NUP98: variants seen among roughly 807,000 people sequenced by gnomAD.
NUP98 encodes the protein nuclear pore complex protein Nup98-Nup96.
A neutral mutation model predicts 191.9 loss-of-function variants in NUP98; 26 were observed. That is an observed-to-expected ratio of 0.14 (90% CI 0.10 to 0.19). The LOEUF (loss-of-function observed/expected upper bound fraction) is 0.19. NUP98 is among the 10% of genes least tolerant of loss of function. The probability of loss-of-function intolerance (pLI) is 1.00; values close to 1 mark genes in which losing one functional copy is unlikely to be tolerated. For synonymous variants in NUP98, 808 were observed against 778.4 expected, an observed-to-expected ratio of 1.04 and a Z score of -0.63; for missense variants, 1,941 against 2,178.8, an observed-to-expected ratio of 0.89 and a Z score of 2.17.
intron 28 of NUP98, among the ~76,000 whole-genome samples, chr11:3,687,784 G>T (rs970339762): frequency 2.6e-5 from 4 of 152,212 alleles, no homozygotes; most frequent in African/African-American, 7.2e-5. Context: ...ACTTTAGGCC[G>T]GGTGCGGTGG....
intron 30 of NUP98, among the ~76,000 whole-genome samples, chr11:3,681,148 C>T (rs998942405): frequency 1.3e-5 from 2 of 152,136 alleles, no homozygotes; most frequent in Admixed American, 6.5e-5. Flanking sequence ...TCAGGTGATC[C>T]GCCAATCTCA....
chr11:3,701,255 A>AT (rs71041374), intron 23 of NUP98, among the ~76,000 whole-genome samples: 2,541 of 125,810 alleles, frequency 0.02, 56 homozygotes, highest in African/African-American at 0.052. Context: ...GCTTGTTCCA[A>AT]TTTTTTTTTT....
chr11:3,792,293 G>A (rs1367080836), intron 1 of NUP98, among the ~76,000 whole-genome samples: 3 of 149,896 alleles, frequency 2.0e-5, no homozygotes, highest in African/African-American at 7.3e-5. Flanking sequence ...AGAAACAACT[G>A]TATAATTAAA....
At chr11:3,685,938 G>A (rs764128188) in intron 29 of NUP98, 35 bp downstream of exon 29, 2 of 1,542,958 alleles carry the variant, frequency 1.3e-6, no homozygotes. Flanking sequence ...TGTAGTGCTA[G>A]ATGTACCCAG....
At chr11:3,724,443 A>T (rs1186034997) in intron 15 of NUP98, among the ~76,000 whole-genome samples, 1 of 137,888 alleles carries the variant, frequency 7.3e-6, no homozygotes, top group Non-Finnish European at 1.6e-5. Context: ...TCTCAAAAAA[A>T]AAAAATAAAT....
At chr11:3,712,280 GCAGAGAATTCAGCAAGTC>G in intron 20 of NUP98, 1 of 1,191,934 alleles carries the variant, frequency 8.4e-7, no homozygotes, top group Non-Finnish European at 1.0e-6. Context: ...TAATCACTGA[GCAGAGAATTCAGCAAGTC>G]CAAATGAGAG....
chr11:3,706,388 T>C (rs1325181374), intron 21 of NUP98, 57 bp downstream of exon 21: 11 of 1,505,282 alleles, frequency 7.3e-6, no homozygotes, highest in Non-Finnish European at 1.0e-5. Context: ...TCCTATGCAA[T>C]GGAGATAAAA....
chr11:3,749,645 AT>A (rs1441853177), intron 11 of NUP98, among the ~76,000 whole-genome samples: 1 of 152,108 alleles, frequency 6.6e-6, no homozygotes, highest in Non-Finnish European at 1.5e-5. Context: ...TAAATAAAAT[AT>A]AAATTAACAA....
intron 1 of NUP98, among the ~76,000 whole-genome samples, chr11:3,785,184 C>G (rs972859313): frequency 6.7e-6 from 1 of 150,172 alleles, no homozygotes; most frequent in East Asian, 2.0e-4. Flanking sequence ...ATGGCAAAAA[C>G]AAACAAAAAA....
intron 5 of NUP98, among the ~76,000 whole-genome samples, chr11:3,775,381 A>G (rs2081679566): frequency 6.6e-6 from 1 of 151,978 alleles, no homozygotes; most frequent in Non-Finnish European, 1.5e-5. Flanking sequence ...AAAAACTACA[A>G]AAAAATTAGC....
At position 3,725,167 on chromosome 11, in the gene NUP98, A is replaced by G; in HGVS notation, c.1783T>C (p.Ser595Pro). 6.2e-7 allele frequency: 1 copy of G among 1,602,654 alleles called. No individual in the cohort carries two copies. The highest frequency in any genetic ancestry group is 2.2e-5 in the East Asian group (1 of 44,726). Residue 595 changes from serine to proline, a missense_variant, in exon 15 of 33, where the codon TCT (serine) becomes CCT (proline). By Grantham distance (74) the Ser-to-Pro change is moderately conservative (BLOSUM62 -1). This residue lies in a region of NUP98 where 453 missense variants were observed against 438.2 expected (regional missense o/e 1.03). Transcript: ENST00000324932. ...TTTTCTGAATCACGATTAACAGGAG[A>G]AAAGAGATTGCTATTATTAAGGTTC... ...LKNLNNSNLFSPVNRDSENLA... is the reference protein window; with the variant it reads ...LKNLNNSNLFPPVNRDSENLA...
intron 28 of NUP98, among the ~76,000 whole-genome samples, chr11:3,689,940 A>ATTTTTTT (rs989043726): frequency 1.4e-5 from 1 of 73,574 alleles, no homozygotes; most frequent in Non-Finnish European, 2.6e-5. Flanking sequence ...GCTGGCCTGC[A>ATTTTTTT]TTTTTTTTTT....
intron 27 of NUP98, 71 bp from the exon 28 acceptor site, chr11:3,691,560 C>T (rs74557637): frequency 9.7e-5 from 114 of 1,176,772 alleles, no homozygotes; most frequent in Admixed American, 3.2e-4. Flanking sequence ...TATGTTTCTT[C>T]TTTTTTTTTT....
At chr11:3,709,981 T>TAA (rs71041378) in intron 20 of NUP98, among the ~76,000 whole-genome samples, 20 of 113,974 alleles carry the variant, frequency 1.8e-4, no homozygotes, top group South Asian at 2.8e-4. Flanking sequence ...AATAATAATT[T>TAA]AAAAAAAAAA....
intron 5 of NUP98, 97 bp from the exon 6 acceptor site, chr11:3,773,836 C>T: frequency 1.5e-6 from 1 of 672,810 alleles, no homozygotes; most frequent in South Asian, 1.9e-5. Context: ...AAACTAGTCC[C>T]CCCAGGTCTT....
chr11:3,682,178 T>A (rs1396275055), intron 30 of NUP98, among the ~76,000 whole-genome samples: 1 of 152,256 alleles, frequency 6.6e-6, no homozygotes, highest in Admixed American at 6.5e-5. Context: ...AAGGGAATGT[T>A]GTGGCTGGTT....
intron 12 of NUP98, among the ~76,000 whole-genome samples, chr11:3,736,406 C>T (rs2134316100): frequency 6.6e-6 from 1 of 150,390 alleles, no homozygotes; most frequent in East Asian, 1.9e-4. Flanking sequence ...GCCTGTAATC[C>T]CAGCACTGGG....
chr11:3,704,996 A>C (rs895957110), intron 22 of NUP98, among the ~76,000 whole-genome samples: 5 of 152,236 alleles, frequency 3.3e-5, no homozygotes, highest in Non-Finnish European at 7.3e-5. Flanking sequence ...CAACAGAGAG[A>C]GACCCTGTCT....
intron 8 of NUP98, among the ~76,000 whole-genome samples, chr11:3,766,599 G>C (rs1267074402): frequency 6.9e-6 from 1 of 144,600 alleles, no homozygotes; most frequent in African/African-American, 2.6e-5. Flanking sequence ...TAACGCCGGA[G>C]AATCCCTTGA....
Sources: gnomAD v4.1 joint callset for allele counts (sites outside exome capture counted in the v4.1 genomes callset) on GRCh38, gnomAD v4.1.1 for gene constraint, gnomAD v4.1.1 regional missense constraint, MANE v1.5 for transcripts, NCBI Gene and HGNC (gene_info 2026-07-23, HGNC 2026-07-21) for gene names.